The following RNASEH2B variants were observed in gnomAD, a reference collection of about 807,000 sequenced individuals.
RNASEH2B encodes the protein ribonuclease H2 subunit B.
In RNASEH2B, 36 loss-of-function variants were observed where a neutral mutation model predicts 45.0. The observed-to-expected ratio is 0.80, with a 90% CI of 0.61 to 1.06. The LOEUF is 1.06. Ranked by LOEUF, RNASEH2B falls within the 50% of genes least tolerant of loss-of-function variation. The pLI, the probability that RNASEH2B is intolerant of heterozygous loss-of-function variation, is 0.00. For synonymous variants in RNASEH2B, 119 were observed against 125.7 expected, an observed-to-expected ratio of 0.95 and a Z score of 0.35; for missense variants, 361 against 360.3, an observed-to-expected ratio of 1.00 and a Z score of -0.02.
At chr13:50,928,143 A>G (rs1951625500) in intron 2 of RNASEH2B, among the ~76,000 whole-genome samples, 1 of 152,182 alleles carries the variant, frequency 6.6e-6, no homozygotes, top group East Asian at 1.9e-4. Context: ...ATTGAGTAAT[A>G]TGGGTGATAG....
exon 10 of RNASEH2B, chr13:50,970,385 T>C: frequency 2.7e-6 from 1 of 367,262 alleles, no homozygotes; most frequent in Non-Finnish European, 4.8e-6. Context: ...ATTTGGAAGC[T>C]TCTAATTCAT....
chr13:50,940,295 TG>T (rs1187753102), intron 5 of RNASEH2B, among the ~76,000 whole-genome samples: 2 of 152,190 alleles, frequency 1.3e-5, no homozygotes, highest in African/African-American at 2.4e-5. Flanking sequence ...CAGGGAACTT[TG>T]GGGGATGATG....
rs3042194 is a variant in RNASEH2B at position 50,969,522 on chromosome 13, C to CAAAA, written c.742-397_742-394dup. 6.3e-3 allele frequency among the ~76,000 whole-genome samples: 634 copies of CAAAA among 100,526 alleles called. 5 individuals are homozygous for CAAAA. The highest frequency in any genetic ancestry group is 9.7e-3 in the Non-Finnish European group (436 of 44,934). The allele number at this position is 100,526 out of a possible 152,430, so 65.9% of individuals were successfully genotyped here. ...CTTTTTATAAAAGGAACTGCCTCTA[C>CAAAA]AAAAAAAAAAAAAAAAGAAAAATGG... is the stretch of plus-strand genomic sequence containing the variant. On this transcript the variant is annotated intron_variant, in intron 9 of 9. Coordinates refer to the RNASEH2B transcript ENST00000422660.
chr13:50,929,499 A>T lies in RNASEH2B; in HGVS notation c.161A>T (p.Asn54Ile). 4.3e-6 allele frequency: 7 copies of T among 1,613,558 alleles called. No individual in the cohort carries two copies. The highest frequency in any genetic ancestry group is 5.9e-6 in the Non-Finnish European group (7 of 1,179,518). Residue 54 changes from asparagine (N) to isoleucine (I), a missense_variant, in exon 3 of 11, where the codon AAT becomes ATT. Transcript: ENST00000336617. ...GGAGAAGGAGCCATTTACTTGTTCA[A>T]TATGTGTCTACAGCAGCTGTTTGAA... The part of the protein sequence containing the change: ...CSGEGAIYLF[N>I]MCLQQLFEVK...
chr13:50,956,273 G>C, intron 10 of RNASEH2B, 85 bp from the exon 11 acceptor site: 1 of 1,129,136 alleles, frequency 8.9e-7, no homozygotes, highest in Non-Finnish European at 1.3e-6. Context: ...AATGAAACTT[G>C]AGACATGCAG....
chr13:50,919,495 G>C (rs897530780), intron 1 of RNASEH2B, among the ~76,000 whole-genome samples: 7 of 152,160 alleles, frequency 4.6e-5, no homozygotes, highest in Admixed American at 1.3e-4. Context: ...GTGGTCTACT[G>C]GCTGGATTGC....
chr13:50,944,001 A>G (rs1951864927), intron 6 of RNASEH2B, among the ~76,000 whole-genome samples: 1 of 135,646 alleles, frequency 7.4e-6, no homozygotes, highest in Admixed American at 7.6e-5. Context: ...GGGACGGGAC[A>G]GGACGGGATG....
At chr13:50,945,922 C>T (rs372410125) in intron 7 of RNASEH2B, among the ~76,000 whole-genome samples, 4 of 152,134 alleles carry the variant, frequency 2.6e-5, no homozygotes, top group African/African-American at 9.7e-5. Flanking sequence ...AGTCTCACAA[C>T]TAGTAAATGC....
intron 5 of RNASEH2B, among the ~76,000 whole-genome samples, chr13:50,940,382 G>T (rs1018463147): frequency 6.6e-6 from 1 of 152,212 alleles, no homozygotes; most frequent in Non-Finnish European, 1.5e-5. Flanking sequence ...GTGTGAACAT[G>T]AACATTGCGT....
chr13:50,965,253 C>T (rs1952153782), intron 9 of RNASEH2B, among the ~76,000 whole-genome samples: 1 of 152,212 alleles, frequency 6.6e-6, no homozygotes, highest in African/African-American at 2.4e-5. Flanking sequence ...AGTACACTAA[C>T]ATGCTATACA....
At chr13:50,920,296 C>T (rs1396918471) in intron 1 of RNASEH2B, among the ~76,000 whole-genome samples, 1 of 152,188 alleles carries the variant, frequency 6.6e-6, no homozygotes, top group African/African-American at 2.4e-5. Flanking sequence ...CTGCCTGCCT[C>T]AGCCTGATTT....
intron 1 of RNASEH2B, among the ~76,000 whole-genome samples, chr13:50,914,154 T>C (rs560790198): frequency 4.9e-4 from 75 of 152,102 alleles, no homozygotes; most frequent in Non-Finnish European, 7.9e-4. Flanking sequence ...TTAAAGTGTA[T>C]GGCAAAGGAA....
chr13:50,912,625 C>G (rs979396596), intron 1 of RNASEH2B: 1 of 152,196 alleles, frequency 6.6e-6, no homozygotes, highest in African/African-American at 2.4e-5. Context: ...GTTACCCATT[C>G]GGGAGTTGGA....
In RNASEH2B at chr13:50,910,129, TC is replaced by T; in HGVS notation, c.55del (p.Leu19TrpfsTer6). ...GDGVGARQHV[F>X]LVSEYLKDAS... ...GGGGTTGGCGCCCGGCAGCACGTGT[TC>T]CTGGTTTCAGGTAAACACGCGCGCC... On this transcript the variant is annotated frameshift_variant, in exon 1 of 11. Coordinates refer to ENST00000336617, the MANE Select transcript of RNASEH2B (RefSeq NM_024570.4). LOFTEE classifies it high-confidence loss of function. 6.9e-7 allele frequency: 1 copy of T among 1,456,480 alleles called. No homozygotes were observed. Among genetic ancestry groups the T allele is most frequent in the South Asian group, 1.4e-5 (1 of 73,200 alleles). The allele number at this position is 1,456,480 out of a possible 1,614,324, so 90.2% of individuals were successfully genotyped here. A position where few individuals can be genotyped will look rare whatever the true frequency, so the allele number is the denominator to read the frequency against.
chr13:50,912,137 G>C (rs1448192644), intron 1 of RNASEH2B: 4 of 151,390 alleles, frequency 2.6e-5, no homozygotes, highest in African/African-American at 7.2e-5. Context: ...TGTGTGGTCA[G>C]GGGGGCAGGA....
At chr13:50,967,425 G>A (rs934844254) in intron 9 of RNASEH2B, among the ~76,000 whole-genome samples, 4 of 152,166 alleles carry the variant, frequency 2.6e-5, no homozygotes, top group Admixed American at 6.5e-5. Context: ...CTGGCAAAGC[G>A]CATTGTGATT....
At chr13:50,952,177 A>T (rs1021603126) in intron 9 of RNASEH2B, 76 of 152,322 alleles carry the variant, frequency 5.0e-4, no homozygotes, top group African/African-American at 1.8e-3. Context: ...CTCTAAAGAA[A>T]AAAAGGGAAT....
chr13:50,943,775 C>T (rs969359570), intron 6 of RNASEH2B, among the ~76,000 whole-genome samples: 1 of 152,076 alleles, frequency 6.6e-6, no homozygotes, highest in African/African-American at 2.4e-5. Flanking sequence ...CAAAGGGACC[C>T]AGGGACACAG....
intron 1 of RNASEH2B, among the ~76,000 whole-genome samples, chr13:50,914,974 G>A (rs1566073747): frequency 6.6e-6 from 1 of 152,130 alleles, no homozygotes; most frequent in Non-Finnish European, 1.5e-5. Flanking sequence ...CTAGATTTAT[G>A]CTATTTATTA....
Sources: gnomAD v4.1 joint callset for allele counts (sites outside exome capture counted in the v4.1 genomes callset) on GRCh38, gnomAD v4.1.1 for gene constraint, MANE v1.5 for transcripts, NCBI Gene and HGNC (gene_info 2026-07-23, HGNC 2026-07-21) for gene names.